The following TTC39B variants were observed in gnomAD, a reference collection of about 807,000 sequenced individuals.
TTC39B encodes tetratricopeptide repeat domain 39B, also known as tetratricopeptide repeat protein 39B.
TTC39B carries 92 observed loss-of-function variants against 96.6 expected under a neutral mutation model. The ratio of observed to expected loss-of-function variants is 0.95; its 90% CI spans 0.80 to 1.13. TTC39B has a LOEUF of 1.13. Ranked by LOEUF, TTC39B falls within the 50% of genes most tolerant of loss-of-function variation. TTC39B has a pLI of 0.00. For missense variants in TTC39B, 955 were observed against 809.3 expected, an observed-to-expected ratio of 1.18 and a Z score of -2.18; for synonymous variants, 367 against 299.4, an observed-to-expected ratio of 1.23 and a Z score of -2.33.
At chr9:15,204,441 A>C (rs1056211235) in intron 6 of TTC39B, among the ~76,000 whole-genome samples, 2 of 152,066 alleles carry the variant, frequency 1.3e-5, no homozygotes, top group Non-Finnish European at 2.9e-5. Context: ...AGGTAGGAGA[A>C]TCACTTGAAC....
rs1823203630 is a variant in TTC39B at position 15,268,062 on chromosome 9, T to A, written c.241-114A>T. On this transcript the variant is annotated intron_variant, in intron 1 of 19. Transcript: ENST00000512701. The stretch of plus-strand genomic sequence containing the variant: ...GGGGAGAGTGGTCCTGGCAGGAAGG[T>A]ATAGCAGGCAGTAGAATCAATCAAC... 4 of 823,470 alleles carry A rather than the reference T, an allele frequency of 4.9e-6. No homozygotes were observed. In the South Asian group the frequency reaches 6.8e-5, roughly 14 times the overall value. 51.0% of individuals were successfully genotyped at this position (823,470 alleles called of 1,614,324 possible). A position where few individuals can be genotyped will look rare whatever the true frequency, so the allele number is the denominator to read the frequency against.
chr9:15,266,119 A>G (rs1823121071), intron 2 of TTC39B, among the ~76,000 whole-genome samples: 1 of 152,146 alleles, frequency 6.6e-6, no homozygotes, highest in Non-Finnish European at 1.5e-5. Context: ...GTACCATGCT[A>G]ACTTAAGAAA....
At chr9:15,287,913 T>G (rs1428740268) in intron 1 of TTC39B, among the ~76,000 whole-genome samples, 1 of 120,378 alleles carries the variant, frequency 8.3e-6, no homozygotes, top group Non-Finnish European at 1.6e-5. Flanking sequence ...GCCACTGCAC[T>G]CCAGCCTGGG....
chr9:15,245,222 A>T (rs900799561), intron 2 of TTC39B, among the ~76,000 whole-genome samples: 1 of 152,232 alleles, frequency 6.6e-6, no homozygotes, highest in African/African-American at 2.4e-5. Flanking sequence ...ACATATGTAG[A>T]TCATGAAAAG....
intron 17 of TTC39B, among the ~76,000 whole-genome samples, 197 bp downstream of exon 17, chr9:15,182,110 G>A (rs553962283): frequency 6.6e-6 from 1 of 152,238 alleles, no homozygotes; most frequent in East Asian, 1.9e-4. Flanking sequence ...TTAGTAAGCT[G>A]TTTCCAAGGT....
chr9:15,180,753 C>A (rs1575469), intron 17 of TTC39B, among the ~76,000 whole-genome samples: 3 of 152,106 alleles, frequency 2.0e-5, no homozygotes, highest in African/African-American at 7.2e-5. Context: ...ATTACTAAAC[C>A]GTCCTAACAG....
intron 2 of TTC39B, among the ~76,000 whole-genome samples, chr9:15,246,912 T>A (rs1237557771): frequency 6.6e-6 from 1 of 152,268 alleles, no homozygotes; most frequent in African/African-American, 2.4e-5. Flanking sequence ...TGTTATTGTT[T>A]TAAGTCTACT....
intron 1 of TTC39B, among the ~76,000 whole-genome samples, chr9:15,275,581 T>G (rs775065466): frequency 6.6e-6 from 1 of 152,064 alleles, no homozygotes; most frequent in Non-Finnish European, 1.5e-5. Flanking sequence ...TTTAAGGAAG[T>G]CTTCTGGGAG....
intron 10 of TTC39B, 49 bp downstream of exon 10, chr9:15,191,141 A>G (rs1818833125): frequency 7.3e-7 from 1 of 1,361,242 alleles, no homozygotes; most frequent in Middle Eastern, 1.8e-4. Context: ...TGTTCAATAA[A>G]TACTGTCTTA....
chr9:15,219,534 C>G (rs1394217786), intron 3 of TTC39B, among the ~76,000 whole-genome samples: 1 of 152,108 alleles, frequency 6.6e-6, no homozygotes, highest in East Asian at 1.9e-4. Context: ...ATCCCCTCAC[C>G]CTTCTCCCCT....
At position 15,192,690 on chromosome 9, in the gene TTC39B, C is replaced by G. The variant is rs150826220; in HGVS notation, c.830G>C (p.Cys277Ser). 6.2e-7 allele frequency: 1 copy of G among 1,612,698 alleles called. No homozygotes were observed. The highest frequency in any genetic ancestry group is 1.3e-5 in the African/African-American group (1 of 74,876). The change falls in exon 9 of 20, where the codon TGT becomes TCT. Residue 277 changes from cysteine to serine, a missense_variant. Physicochemically the swap from Cys to Ser is moderately radical, Grantham distance 112. Coordinates refer to ENST00000512701, the Ensembl canonical transcript of TTC39B. ...CTGAATTTCATGCAGGATAGAAAGACATTCTCTGGGTTGAAGAAAAAAAGT... is the reference window on the plus strand; with the variant it reads ...CTGAATTTCATGCAGGATAGAAAGAGATTCTCTGGGTTGAAGAAAAAAAGT...
intron 2 of TTC39B, among the ~76,000 whole-genome samples, chr9:15,264,714 T>C (rs377666454): frequency 5.0e-5 from 7 of 139,686 alleles, no homozygotes; most frequent in African/African-American, 2.1e-4. Context: ...TTTGTTCTTC[T>C]ATATAACAAT....
chr9:15,203,224 G>A (rs1819642932), intron 7 of TTC39B, among the ~76,000 whole-genome samples: 2 of 152,114 alleles, frequency 1.3e-5, no homozygotes. Flanking sequence ...AAAATTAGAT[G>A]TGACGGTTGC....
At chr9:15,163,805 T>A (rs1817473313) in exon 20 of TTC39B, 1 of 152,214 alleles carries the variant, frequency 6.6e-6, no homozygotes, top group African/African-American at 2.4e-5. Flanking sequence ...CAGGATGATT[T>A]ATTTGCACTT....
chr9:15,174,984 A>G, intron 19 of TTC39B, 35 bp downstream of exon 19: 3 of 1,406,128 alleles, frequency 2.1e-6, no homozygotes, highest in South Asian at 1.2e-5. Flanking sequence ...TTCTGACTCC[A>G]TAACAATCAA....
intron 2 of TTC39B, among the ~76,000 whole-genome samples, chr9:15,239,536 C>T (rs1283569369): frequency 6.6e-6 from 1 of 152,108 alleles, no homozygotes; most frequent in East Asian, 1.9e-4. Context: ...CAATGGTTGA[C>T]TGGATAAAGA....
intron 1 of TTC39B, among the ~76,000 whole-genome samples, chr9:15,278,371 T>G (rs770765035): frequency 1.3e-5 from 2 of 152,194 alleles, no homozygotes; most frequent in African/African-American, 4.8e-5. Flanking sequence ...AAATAAAACT[T>G]TTTTACAATT....
chr9:15,190,809 T>C (rs1364534901), intron 10 of TTC39B, 147 bp from the exon 11 acceptor site: 4 of 686,564 alleles, frequency 5.8e-6, no homozygotes, highest in Middle Eastern at 3.3e-4. Flanking sequence ...TTAGTGTCCC[T>C]ATCACCGCAA....
At chr9:15,280,686 G>A (rs1334371780) in intron 1 of TTC39B, among the ~76,000 whole-genome samples, 1 of 152,196 alleles carries the variant, frequency 6.6e-6, no homozygotes, top group Non-Finnish European at 1.5e-5. Flanking sequence ...GCAGCTAGCT[G>A]GCGGAAAAGG....
Sources: allele counts gnomAD v4.1 joint callset (sites outside exome capture counted in the v4.1 genomes callset), GRCh38; gene constraint gnomAD v4.1.1; transcripts MANE v1.5; gene names NCBI Gene and HGNC (gene_info 2026-07-23, HGNC 2026-07-21).